The following DLC1 variants were observed in gnomAD, a reference collection of about 807,000 sequenced individuals.
DLC1 encodes the protein DLC1 Rho GTPase activating protein, also known as rho GTPase-activating protein 7.
Under a neutral mutation model 140.3 loss-of-function variants are expected in DLC1, and 54 were observed. The observed-to-expected ratio is 0.38, with a 90% CI of 0.31 to 0.48. The LOEUF (loss-of-function observed/expected upper bound fraction) is 0.48. DLC1 is among the 20% of genes least tolerant of loss of function. DLC1 has a pLI of 0.96. For synonymous variants in DLC1, 986 were observed against 728.1 expected, an observed-to-expected ratio of 1.35 and a Z score of -5.70; for missense variants, 2,536 against 1,907.0, an observed-to-expected ratio of 1.33 and a Z score of -6.14.
chr8:13,320,832 G>A (rs958118479), intron 4 of DLC1, among the ~76,000 whole-genome samples: 2 of 152,190 alleles, frequency 1.3e-5, no homozygotes, highest in African/African-American at 4.8e-5. Context: ...CTGAGTAACA[G>A]AGACAGACAC....
intron 1 of DLC1, among the ~76,000 whole-genome samples, chr8:13,504,686 T>C (rs1178481344): frequency 6.6e-6 from 1 of 152,158 alleles, no homozygotes; most frequent in Non-Finnish European, 1.5e-5. Flanking sequence ...TTGTCAAAAG[T>C]AACAGTGCAG....
chr8:13,191,015 T>C (rs1335381804), intron 5 of DLC1, among the ~76,000 whole-genome samples: 1 of 151,550 alleles, frequency 6.6e-6, no homozygotes, highest in Non-Finnish European at 1.5e-5. Context: ...GGGGATTATA[T>C]TGGGGGTGAG....
chr8:13,361,350 G>A (rs1431959135), intron 4 of DLC1, among the ~76,000 whole-genome samples: 1 of 151,674 alleles, frequency 6.6e-6, no homozygotes, highest in Admixed American at 6.6e-5. Context: ...GAACTCCTGG[G>A]CTCAAGCAAT....
At chr8:13,124,652 A>G (rs949208765) in intron 5 of DLC1, among the ~76,000 whole-genome samples, 1 of 152,226 alleles carries the variant, frequency 6.6e-6, no homozygotes, top group African/African-American at 2.4e-5. Flanking sequence ...CACTGCCTAG[A>G]TAGGTGGCCT....
chr8:13,352,453 C>T (rs568979348), intron 4 of DLC1, among the ~76,000 whole-genome samples: 39 of 152,292 alleles, frequency 2.6e-4, no homozygotes, highest in Admixed American at 2.0e-4. Context: ...GTGATCACAG[C>T]TTACTGTAGC....
At chr8:13,550,154 G>T (rs75948320) in intron 1 of DLC1, among the ~76,000 whole-genome samples, 1 of 152,104 alleles carries the variant, frequency 6.6e-6, no homozygotes, top group Admixed American at 6.6e-5. Context: ...GTCAAGGGAG[G>T]AACCTGAGGG....
rs576607139 is a variant in DLC1 at position 13,457,255 on chromosome 8, G to A, written c.1023+41794C>T. 1.6e-4 allele frequency among the ~76,000 whole-genome samples: 25 copies of A among 152,140 alleles called. No homozygotes were observed. In the Middle Eastern group the frequency reaches 0.01, roughly 62 times the overall value. On this transcript the variant is annotated intron_variant, in intron 2 of 17. Coordinates refer to ENST00000276297, the MANE Select transcript of DLC1 (RefSeq NM_182643.3). ...TATTTTAAAAGCCACTGTCTATTTTGTTGAATTATATAAAATATGATTCTG... is the reference window on the plus strand; with the variant it reads ...TATTTTAAAAGCCACTGTCTATTTTATTGAATTATATAAAATATGATTCTG...
chr8:13,560,638 T>A (rs1804208187), intron 1 of DLC1, among the ~76,000 whole-genome samples: 1 of 152,206 alleles, frequency 6.6e-6, no homozygotes, highest in Admixed American at 6.5e-5. Context: ...CCCACCATTC[T>A]TAAGTTGAAG....
At chr8:13,492,679 C>G (rs563702238) in intron 2 of DLC1, among the ~76,000 whole-genome samples, 1 of 152,082 alleles carries the variant, frequency 6.6e-6, no homozygotes, top group Non-Finnish European at 1.5e-5. Context: ...GGTGGTGGAC[C>G]AAGCACATAG....
intron 7 of DLC1, among the ~76,000 whole-genome samples, chr8:13,103,301 A>T (rs1359455952): frequency 6.8e-6 from 1 of 146,196 alleles, no homozygotes; most frequent in Non-Finnish European, 1.5e-5. Flanking sequence ...ACAGAGTGAG[A>T]CTCCTTCTCA....
chr8:13,116,665 T>C (rs1820582450), intron 5 of DLC1, among the ~76,000 whole-genome samples: 1 of 152,204 alleles, frequency 6.6e-6, no homozygotes, highest in Non-Finnish European at 1.5e-5. Flanking sequence ...ACTTTATGTT[T>C]TCAAAGCACT....
intron 1 of DLC1, among the ~76,000 whole-genome samples, chr8:13,512,966 CT>C (rs57239531): frequency 0.082 from 11,433 of 139,730 alleles, 897 homozygotes; most frequent in East Asian, 0.38. Context: ...ACAGTTTTAC[CT>C]TTTTTTTTTT....
At chr8:13,536,179 T>A (rs2117318663) in intron 1 of DLC1, 1 of 152,234 alleles carries the variant, frequency 6.6e-6, no homozygotes, top group African/African-American at 2.4e-5. Flanking sequence ...AAGCTGTAGA[T>A]CATAATGAAT....
chr8:13,165,338 G>A (rs952099877), intron 5 of DLC1, among the ~76,000 whole-genome samples: 7 of 152,168 alleles, frequency 4.6e-5, no homozygotes, highest in African/African-American at 1.7e-4. Flanking sequence ...ACTTCAGAAA[G>A]GGAATAAGTA....
At chr8:13,267,833 G>C (rs990875733) in intron 5 of DLC1, among the ~76,000 whole-genome samples, 3 of 150,548 alleles carry the variant, frequency 2.0e-5, no homozygotes, top group Non-Finnish European at 3.0e-5. Context: ...AAGAGAGAAG[G>C]GTTACATTAT....
chr8:13,146,375 A>G (rs552281365), intron 5 of DLC1, among the ~76,000 whole-genome samples: 1 of 151,878 alleles, frequency 6.6e-6, no homozygotes, highest in Non-Finnish European at 1.5e-5. Context: ...AATCAGTACT[A>G]GTTACCCTCT....
intron 1 of DLC1, among the ~76,000 whole-genome samples, chr8:13,592,779 A>G (rs1355357876): frequency 6.6e-6 from 1 of 152,124 alleles, no homozygotes; most frequent in Non-Finnish European, 1.5e-5. Context: ...GGTGCAGTTT[A>G]TAAAGCCCTA....
chr8:13,100,767 C>T lies in DLC1; in HGVS notation c.1570G>A (p.Asp524Asn). The T allele has an allele frequency of 1.3e-6, 2 of 1,559,886 alleles. No individual in the cohort carries two copies. The highest frequency in any genetic ancestry group is 1.2e-5 in the South Asian group (1 of 81,204). Residue 524 changes from aspartate to asparagine, a missense_variant, in exon 9 of 18, where the codon GAC (aspartate) becomes AAC (asparagine). Transcript: ENST00000276297. ...CAAGGCTCATCCTCGTCTGAATCGTCACTCTGCAAAGACAGAAAGGAGCCA... is the reference window on the plus strand; with the variant it reads ...CAAGGCTCATCCTCGTCTGAATCGTTACTCTGCAAAGACAGAAAGGAGCCA... ...LEISPHRKRS[D>N]DSDEDEPCAI...
At chr8:13,286,204 A>C (rs1283618405) in intron 5 of DLC1, among the ~76,000 whole-genome samples, 1 of 152,170 alleles carries the variant, frequency 6.6e-6, no homozygotes, top group African/African-American at 2.4e-5. Context: ...TCTCTAACCA[A>C]AGCAAACCAT....
Sources: allele counts gnomAD v4.1 joint callset (sites outside exome capture counted in the v4.1 genomes callset), GRCh38; gene constraint gnomAD v4.1.1; transcripts MANE v1.5; gene names NCBI Gene and HGNC (gene_info 2026-07-23, HGNC 2026-07-21).